Variants in ARID1B observed in about 807,000 individuals in gnomAD.
ARID1B encodes AT-rich interactive domain-containing protein 1B.
In ARID1B, 30 loss-of-function variants were observed where a neutral mutation model predicts 212.3. The observed-to-expected ratio is 0.14, with a 90% CI of 0.11 to 0.19. ARID1B has a LOEUF of 0.19. ARID1B is among the 10% of genes least tolerant of loss of function. The pLI is 1.00. For synonymous variants in ARID1B, 1,402 were observed against 1,301.7 expected (o/e 1.08, Z -1.66); for missense variants, 2,891 against 3,204.0 (o/e 0.90, Z 2.36).
intron 1 of ARID1B, among the ~76,000 whole-genome samples, chr6:156,820,722 A>G (rs1346110353): frequency 2.0e-5 from 3 of 152,210 alleles, no homozygotes; most frequent in Non-Finnish European, 2.9e-5. Context: ...CTGCTCCGTT[A>G]TAACCTTTTC....
chr6:157,128,432 C>G (rs11970692), intron 6 of ARID1B, among the ~76,000 whole-genome samples: 1 of 152,100 alleles, frequency 6.6e-6, no homozygotes, highest in Non-Finnish European at 1.5e-5. Flanking sequence ...ACCTGTAGTC[C>G]CAGCTAATTG....
At chr6:157,161,204 A>G (rs917597645) in intron 8 of ARID1B, among the ~76,000 whole-genome samples, 2 of 152,148 alleles carry the variant, frequency 1.3e-5, no homozygotes, top group African/African-American at 4.8e-5. Context: ...ACGAATCTAC[A>G]TTTTTAAATA....
At chr6:157,061,579 A>G (rs1362440370) in intron 4 of ARID1B, among the ~76,000 whole-genome samples, 2 of 152,206 alleles carry the variant, frequency 1.3e-5, no homozygotes, top group Non-Finnish European at 2.9e-5. Flanking sequence ...ATTTAGAAAA[A>G]AAAAAAAAGA....
chr6:157,155,351 G>T (rs1790507662), intron 8 of ARID1B, among the ~76,000 whole-genome samples: 1 of 152,086 alleles, frequency 6.6e-6, no homozygotes, highest in Non-Finnish European at 1.5e-5. Flanking sequence ...TAGTGATATT[G>T]ACACGGATAA....
intron 13 of ARID1B, among the ~76,000 whole-genome samples, chr6:157,189,108 A>G (rs1366911848): frequency 2.6e-5 from 4 of 152,224 alleles, no homozygotes; most frequent in Admixed American, 6.5e-5. Context: ...GAAATGACAT[A>G]AGGCTCATTG....
At chr6:157,011,382 C>G (rs7744146) in intron 4 of ARID1B, among the ~76,000 whole-genome samples, 73,691 of 152,004 alleles carry the variant, frequency 0.48, 18,137 homozygotes, top group East Asian at 0.66. Context: ...TCAGTAGTTA[C>G]AGCCAAAAAC....
At chr6:157,172,084 T>C (rs1791751854) in intron 9 of ARID1B, among the ~76,000 whole-genome samples, 1 of 152,238 alleles carries the variant, frequency 6.6e-6, no homozygotes, top group Admixed American at 6.5e-5. Context: ...CTGAATCAAC[T>C]AGCCAGGACA....
intron 2 of ARID1B, among the ~76,000 whole-genome samples, chr6:156,859,311 C>T (rs1022415349): frequency 5.9e-5 from 9 of 152,016 alleles, no homozygotes; most frequent in African/African-American, 1.7e-4. Context: ...CATCATAGAC[C>T]GAAACACTGT....
chr6:157,155,136 A>G (rs1381831343), intron 8 of ARID1B, among the ~76,000 whole-genome samples: 2 of 152,198 alleles, frequency 1.3e-5, no homozygotes, highest in Non-Finnish European at 2.9e-5. Context: ...CGTGCAGCTC[A>G]GAGTTAGATT....
At position 156,778,304 on chromosome 6, in the gene ARID1B, G is replaced by GCAGCAGCAGCAA. The variant is rs1334776212; in HGVS notation, c.630_641dup (p.Gln211_Gln214dup). On this transcript the variant is annotated inframe_insertion, in exon 1 of 20. Coordinates refer to ENST00000636930, the MANE Select transcript of ARID1B (RefSeq NM_001374828.1). Reference sequence around the variant, plus strand: ...AGCAGCAGCAGCAACAGCAGCAGCAGCAGCAGCAGCAACAGCAACATCCCA... The same window carrying GCAGCAGCAGCAA: ...AGCAGCAGCAGCAACAGCAGCAGCAGCAGCAGCAGCAACAGCAGCAGCAACAGCAACATCCCA... 20 of 1,544,916 alleles carry GCAGCAGCAGCAA rather than the reference G, an allele frequency of 1.3e-5. No individual in the cohort carries two copies. Among genetic ancestry groups the GCAGCAGCAGCAA allele is most frequent in the East Asian group, 2.4e-5 (1 of 40,820 alleles).
In ARID1B at chr6:156,992,982, T is replaced by G. The variant is rs193096229; in HGVS notation, c.2247+57406T>G. Among the ~76,000 whole-genome samples the G allele has an allele frequency of 8.9e-4, 135 of 152,108 alleles. 1 individual carries two copies. The highest frequency in any genetic ancestry group is 5.0e-3 in the East Asian group (26 of 5,178). On this transcript the variant is annotated intron_variant, in intron 4 of 19. Coordinates refer to ENST00000636930, the MANE Select transcript of ARID1B (RefSeq NM_001374828.1). ...ATCAGTCTAAAATTCAGATGCCTTC[T>G]GTAGGGAGCTGAATGTTTATCAATG...
At chr6:157,074,534 A>G (rs1784193627) in intron 4 of ARID1B, among the ~76,000 whole-genome samples, 1 of 152,138 alleles carries the variant, frequency 6.6e-6, no homozygotes, top group African/African-American at 2.4e-5. Context: ...CAATTTACAG[A>G]TTATTGATCA....
intron 4 of ARID1B, among the ~76,000 whole-genome samples, chr6:157,084,186 G>A (rs1325671066): frequency 6.8e-6 from 1 of 147,724 alleles, no homozygotes; most frequent in Non-Finnish European, 1.5e-5. Flanking sequence ...GGTCAAAATT[G>A]TGACTGCTAT....
At chr6:157,205,827 C>G (rs1187353230) in intron 19 of ARID1B, 1 of 253,178 alleles carries the variant, frequency 3.9e-6, no homozygotes, top group Non-Finnish European at 7.6e-6. Flanking sequence ...TACATTGTCT[C>G]TAAATCAGGA....
At chr6:157,170,328 TC>T (rs1419775999) in intron 9 of ARID1B, 1 of 152,194 alleles carries the variant, frequency 6.6e-6, no homozygotes, top group Non-Finnish European at 1.5e-5. Flanking sequence ...ATATCAATCT[TC>T]CAGCTGGATC....
chr6:157,161,451 A>T (rs1790938385), intron 8 of ARID1B, among the ~76,000 whole-genome samples: 2 of 149,598 alleles, frequency 1.3e-5, no homozygotes, highest in African/African-American at 5.1e-5. Context: ...ATATATATAT[A>T]TATTTTGGCG....
chr6:156,867,641 A>T (rs1785796993), intron 2 of ARID1B, among the ~76,000 whole-genome samples: 1 of 152,202 alleles, frequency 6.6e-6, no homozygotes, highest in Non-Finnish European at 1.5e-5. Context: ...AAGTTTTAAA[A>T]TAACTTTGAA....
At chr6:156,912,012 G>A (rs1028717843) in intron 3 of ARID1B, among the ~76,000 whole-genome samples, 6 of 152,080 alleles carry the variant, frequency 3.9e-5, no homozygotes, top group Admixed American at 2.6e-4. Flanking sequence ...AGTAAAAACT[G>A]GTAAGAAAGT....
chr6:157,059,189 T>C (rs1783177197), intron 4 of ARID1B, among the ~76,000 whole-genome samples: 1 of 151,804 alleles, frequency 6.6e-6, no homozygotes, highest in African/African-American at 2.4e-5. Context: ...AATGAGAAAA[T>C]GTGAAAGTGC....
Sources: allele counts gnomAD v4.1 joint callset (sites outside exome capture counted in the v4.1 genomes callset), GRCh38; gene constraint gnomAD v4.1.1; transcripts MANE v1.5; gene names NCBI Gene and HGNC (gene_info 2026-07-23, HGNC 2026-07-21).